Variants in GRK3 observed in about 807,000 individuals in gnomAD.
The protein encoded by GRK3 is G protein-coupled receptor kinase 3, also known as adrenergic, beta, receptor kinase 2.
Under a neutral mutation model 95.7 loss-of-function variants are expected in GRK3, and 54 were observed. The ratio of observed to expected loss-of-function variants is 0.56; its 90% confidence interval spans 0.45 to 0.71. The LOEUF is 0.71. GRK3 is among the 30% of genes least tolerant of loss of function. The pLI, the probability that GRK3 is intolerant of heterozygous loss-of-function variation, is 0.00. For missense variants in GRK3, 649 were observed against 851.2 expected (o/e 0.76, Z 2.96); for synonymous variants, 281 against 290.8 (o/e 0.97, Z 0.34).
At chr22:25,617,530 G>A (rs2084548850) in intron 2 of GRK3, among the ~76,000 whole-genome samples, 1 of 152,124 alleles carries the variant, frequency 6.6e-6, no homozygotes, top group Admixed American at 6.5e-5. Context: ...CAATTTAATT[G>A]ATGTAAATAT....
At position 25,575,182 on chromosome 22, in the gene GRK3, C is replaced by T. The variant is rs185748521; in HGVS notation, c.113+10029C>T. ...TCTGTCCTTTAAGTAAGGTGACCTGCTTGATGCTGGATTGATGTTTCAAAA... is the reference window on the plus strand; with the variant it reads ...TCTGTCCTTTAAGTAAGGTGACCTGTTTGATGCTGGATTGATGTTTCAAAA... On this transcript the variant is annotated intron_variant, in intron 1 of 20. Coordinates refer to ENST00000324198, the MANE Select transcript of GRK3 (RefSeq NM_005160.4). Among the ~76,000 whole-genome samples the T allele has an allele frequency of 1.6e-3, 238 of 152,288 alleles. 1 individual carries two copies. The highest frequency in any genetic ancestry group is 2.6e-3 in the Admixed American group (40 of 15,294).
At chr22:25,598,944 G>A (rs1359132390) in intron 1 of GRK3, among the ~76,000 whole-genome samples, 1 of 152,084 alleles carries the variant, frequency 6.6e-6, no homozygotes, top group East Asian at 1.9e-4. Flanking sequence ...AGACAATTTA[G>A]TGGGGGAAAT....
At chr22:25,650,058 CCTGGTTCACTGCAACCTCTGCCTCA>C (rs1199210599) in intron 3 of GRK3, among the ~76,000 whole-genome samples, 3 of 151,330 alleles carry the variant, frequency 2.0e-5, no homozygotes, top group Non-Finnish European at 4.4e-5. Flanking sequence ...TTGGCGCCAT[CCTGGTTCACTGCAACCTCTGCCTCA>C]CTGGTTCAAG....
At chr22:25,611,252 T>G (rs1312890804) in intron 2 of GRK3, among the ~76,000 whole-genome samples, 1 of 152,242 alleles carries the variant, frequency 6.6e-6, no homozygotes, top group African/African-American at 2.4e-5. Flanking sequence ...TGCCACTTTT[T>G]GCTTGTTTAT....
At chr22:25,681,402 A>C (rs2085072954) in intron 9 of GRK3, among the ~76,000 whole-genome samples, 1 of 151,752 alleles carries the variant, frequency 6.6e-6, no homozygotes, top group Non-Finnish European at 1.5e-5. Context: ...GCCTTTCTGA[A>C]GTTGGGGGTT....
Position 25,709,974 on chromosome 22 carries a change from C to A in GRK3, c.1395+10C>A, listed in dbSNP as rs1392086701. The A allele has an allele frequency of 1.8e-5, 29 of 1,600,874 alleles. No homozygotes were observed. The highest frequency in any genetic ancestry group is 2.5e-5 in the Non-Finnish European group (29 of 1,168,062). On this transcript the variant is annotated intron_variant, in intron 16 of 20. Coordinates refer to ENST00000324198, the MANE Select transcript of GRK3 (RefSeq NM_005160.4). ...TGTCTACTTACAAAAGGTACTCACT[C>A]CCTCTTGACTCTACTTACGGTACTG...
intron 15 of GRK3, among the ~76,000 whole-genome samples, chr22:25,708,636 C>G (rs1009646772): frequency 6.6e-6 from 1 of 150,982 alleles, no homozygotes. Context: ...CTCCCCCATG[C>G]GGGCTTTTCC....
intron 1 of GRK3, among the ~76,000 whole-genome samples, chr22:25,600,291 C>A (rs1199391175): frequency 6.6e-6 from 1 of 151,904 alleles, no homozygotes; most frequent in African/African-American, 2.4e-5. Flanking sequence ...GGATTACAGG[C>A]AACCGCCACT....
At chr22:25,633,172 C>A (rs1004426723) in intron 2 of GRK3, among the ~76,000 whole-genome samples, 1 of 152,128 alleles carries the variant, frequency 6.6e-6, no homozygotes, top group Non-Finnish European at 1.5e-5. Flanking sequence ...CCGCCTCGGC[C>A]TCCCAAAGTG....
At chr22:25,605,926 T>C (rs1377696366) in intron 2 of GRK3, among the ~76,000 whole-genome samples, 1 of 152,230 alleles carries the variant, frequency 6.6e-6, no homozygotes, top group East Asian at 1.9e-4. Flanking sequence ...TCCCTTCAGC[T>C]CTCATTCCAG....
intron 2 of GRK3, among the ~76,000 whole-genome samples, chr22:25,640,485 T>C (rs1228094187): frequency 6.6e-6 from 1 of 152,208 alleles, no homozygotes; most frequent in African/African-American, 2.4e-5. Flanking sequence ...TCAGTAAATG[T>C]TTTGTAGAAT....
At chr22:25,694,743 C>T (rs566908063) in intron 12 of GRK3, among the ~76,000 whole-genome samples, 34 of 152,264 alleles carry the variant, frequency 2.2e-4, no homozygotes, top group African/African-American at 8.2e-4. Flanking sequence ...GTTCATCATC[C>T]GTTCACTCCT....
At chr22:25,632,542 T>C (rs1374870567) in intron 2 of GRK3, among the ~76,000 whole-genome samples, 1 of 152,250 alleles carries the variant, frequency 6.6e-6, no homozygotes, top group Non-Finnish European at 1.5e-5. Context: ...TGAAATTGAA[T>C]TTGCCAGTTT....
At chr22:25,615,911 A>G (rs2084534367) in intron 2 of GRK3, among the ~76,000 whole-genome samples, 1 of 147,368 alleles carries the variant, frequency 6.8e-6, no homozygotes, top group South Asian at 2.1e-4. Flanking sequence ...TATCTGGGGG[A>G]AGAGTACCCA....
chr22:25,661,481 T>C, intron 3 of GRK3, 95 bp from the exon 4 acceptor site: 1 of 660,664 alleles, frequency 1.5e-6, no homozygotes, highest in Non-Finnish European at 2.6e-6. Flanking sequence ...CTTTATCTCA[T>C]GTGCAAGTGG....
intron 3 of GRK3, chr22:25,647,391 T>A: frequency 5.3e-6 from 7 of 1,317,822 alleles, no homozygotes; most frequent in Non-Finnish European, 7.7e-6. Flanking sequence ...TCCATCATCT[T>A]CAGCAAAGGG....
chr22:25,721,908 A>AC (rs1213657080), intron 20 of GRK3, among the ~76,000 whole-genome samples: 1 of 152,232 alleles, frequency 6.6e-6, no homozygotes, highest in African/African-American at 2.4e-5. Flanking sequence ...ATTTTTACTA[A>AC]CATCAGTACT....
At chr22:25,577,178 A>AT (rs764682652) in intron 1 of GRK3, among the ~76,000 whole-genome samples, 5,434 of 144,564 alleles carry the variant, frequency 0.038, 162 homozygotes, top group African/African-American at 0.081. Flanking sequence ...ACAATAAAGG[A>AT]TTTTTTTTTT....
rs370896299 is a variant in GRK3, at chr22:25,723,980, A to G, written c.*1530A>G. 4.0e-5 allele frequency: 6 copies of G among 149,352 alleles called. No individual in the cohort carries two copies. Among genetic ancestry groups the G allele is most frequent in the Admixed American group, 2.0e-4 (3 of 14,988 alleles). 9.3% of individuals were successfully genotyped at this position (149,352 alleles called of 1,614,324 possible). A position where few individuals can be genotyped will look rare whatever the true frequency, so the allele number is the denominator to read the frequency against. ...AAAATGTGGGTTTTTTTTTTTGTCT[A>G]TCTCAACTACTAGTTGGGGTTTAAA... On this transcript the variant is annotated 3_prime_UTR_variant, in exon 21 of 21. Coordinates refer to ENST00000324198, the MANE Select transcript of GRK3 (RefSeq NM_005160.4).
Sources: allele counts gnomAD v4.1 joint callset (sites outside exome capture counted in the v4.1 genomes callset), GRCh38; gene constraint gnomAD v4.1.1; transcripts MANE v1.5; gene names NCBI Gene and HGNC (gene_info 2026-07-23, HGNC 2026-07-21).